CLVS1: variants seen among roughly 807,000 people sequenced by gnomAD.
CLVS1 encodes clavesin 1, also known as clavesin-1.
CLVS1 carries 10 observed loss-of-function variants against 33.1 expected under a neutral mutation model. The ratio of observed to expected loss-of-function variants is 0.30; its 90% CI spans 0.19 to 0.51. CLVS1 has a LOEUF of 0.51. CLVS1 is among the 20% of genes least tolerant of loss of function. The probability of loss-of-function intolerance (pLI) is 0.97; values close to 1 mark genes in which losing one functional copy is unlikely to be tolerated. For synonymous variants in CLVS1, 163 were observed against 166.1 expected (o/e 0.98, Z 0.14); for missense variants, 343 against 433.4 (o/e 0.79, Z 1.85).
chr8:60,969,717 C>T, the CLVS1 span, among the ~76,000 whole-genome samples: 1 of 152,058 alleles, frequency 6.6e-6, no homozygotes, highest in East Asian at 1.9e-4. Context: ...TTAAATATAA[C>T]ACACAGTCAG....
intron 2 of CLVS1, among the ~76,000 whole-genome samples, chr8:61,217,137 T>C (rs139757001): frequency 2.2e-4 from 33 of 152,320 alleles, no homozygotes; most frequent in Admixed American, 6.5e-4. Flanking sequence ...TTTCCTTCAA[T>C]TTTCCAAGTG....
At chr8:61,286,862 T>C (rs1471253681), upstream of CLVS1, among the ~76,000 whole-genome samples, 1 of 152,254 alleles carries the variant, frequency 6.6e-6, no homozygotes, top group Non-Finnish European at 1.5e-5. Context: ...ATGGGAATGC[T>C]GTATTTGATA....
chr8:60,999,638 G>A, the CLVS1 span, among the ~76,000 whole-genome samples: 2 of 152,180 alleles, frequency 1.3e-5, no homozygotes, highest in East Asian at 3.9e-4. Flanking sequence ...GTTTGAATAA[G>A]TAAGCAGTAT....
At chr8:61,189,246 A>G (rs1807409578) in intron 2 of CLVS1, among the ~76,000 whole-genome samples, 1 of 152,192 alleles carries the variant, frequency 6.6e-6, no homozygotes, top group South Asian at 2.1e-4. Context: ...AGAATTTTCA[A>G]CCCAGAATTT....
At chr8:61,032,619 T>C in the CLVS1 span, among the ~76,000 whole-genome samples, 1 of 152,134 alleles carries the variant, frequency 6.6e-6, no homozygotes, top group African/African-American at 2.4e-5. Context: ...AACAGGACCT[T>C]GAATGAAGCC....
rs532214758 is a variant in CLVS1, at chr8:61,243,734, A to G, written c.-151-55943A>G. On this transcript the variant is annotated intron_variant, in intron 2 of 2. Transcript: ENST00000522621. ...TTAAGGCTTCTCCCTGTCAAGCAGT[A>G]TCACTAAGGGGTTATCAATTATTTT... Among the ~76,000 whole-genome samples the G allele has an allele frequency of 2.0e-5, 3 of 152,268 alleles. No individual in the cohort carries two copies. In the South Asian group the frequency reaches 6.2e-4, roughly 32 times the overall value.
intron 1 of CLVS1, among the ~76,000 whole-genome samples, chr8:61,060,959 T>C (rs1804572371): frequency 6.6e-6 from 1 of 152,184 alleles, no homozygotes; most frequent in Non-Finnish European, 1.5e-5. Context: ...TTTCTTTTCA[T>C]GGGAGAAATA....
At chr8:61,150,596 A>T (rs1400961798) in intron 2 of CLVS1, among the ~76,000 whole-genome samples, 1 of 152,102 alleles carries the variant, frequency 6.6e-6, no homozygotes, top group Non-Finnish European at 1.5e-5. Flanking sequence ...CACAATGCAG[A>T]TCAGCAGTCC....
chr8:61,158,917 C>G (rs1055997143), intron 2 of CLVS1, among the ~76,000 whole-genome samples: 12 of 152,238 alleles, frequency 7.9e-5, no homozygotes, highest in African/African-American at 2.9e-4. Context: ...ACCTCAACCT[C>G]CTGGGCCCAA....
chr8:61,491,220 C>T (rs948961320), intron 5 of CLVS1, among the ~76,000 whole-genome samples: 1 of 152,064 alleles, frequency 6.6e-6, no homozygotes, highest in Admixed American at 6.5e-5. Context: ...GATTGTAGTC[C>T]AGTCTAGTAG....
chr8:61,404,821 T>C (rs1471417866), intron 3 of CLVS1, among the ~76,000 whole-genome samples: 1 of 152,190 alleles, frequency 6.6e-6, no homozygotes, highest in African/African-American at 2.4e-5. Context: ...CAGAGACCTG[T>C]CAGCAAAATG....
chr8:61,324,530 G>A (rs1399387580), intron 2 of CLVS1, among the ~76,000 whole-genome samples: 2 of 152,106 alleles, frequency 1.3e-5, no homozygotes, highest in African/African-American at 2.4e-5. Flanking sequence ...CAGGAGTGGG[G>A]TGGTTCTAAA....
At chr8:61,099,639 A>G (rs963313266) in intron 1 of CLVS1, among the ~76,000 whole-genome samples, 33 of 152,280 alleles carry the variant, frequency 2.2e-4, no homozygotes, top group African/African-American at 7.7e-4. Context: ...AAGACTACAT[A>G]GAGGGAGGGA....
chr8:61,043,264 C>T, the CLVS1 span, among the ~76,000 whole-genome samples: 1 of 152,184 alleles, frequency 6.6e-6, no homozygotes, highest in Non-Finnish European at 1.5e-5. Context: ...AAGCTATTGT[C>T]ATAGGAAAAG....
rs533250379 is a variant in CLVS1 at position 61,412,947 on chromosome 8, C to T, written c.630+36168C>T. Among the ~76,000 whole-genome samples the T allele has an allele frequency of 5.3e-5, 8 of 152,260 alleles. No homozygotes were observed. In the South Asian group the frequency reaches 1.5e-3, roughly 28 times the overall value. Reference sequence around the variant, plus strand: ...TCTCCTTTGATTATACTAGTTTTTCCCCCACGCTAATAATGGATGCTTATT... The same window carrying T: ...TCTCCTTTGATTATACTAGTTTTTCTCCCACGCTAATAATGGATGCTTATT... On this transcript the variant is annotated intron_variant, in intron 3 of 5. Coordinates refer to ENST00000325897, the MANE Select transcript of CLVS1 (RefSeq NM_173519.3).
intron 1 of CLVS1, among the ~76,000 whole-genome samples, chr8:61,130,312 A>ACAT (rs1442644576): frequency 2.0e-5 from 3 of 151,972 alleles, no homozygotes; most frequent in South Asian, 4.1e-4. Context: ...TAAAAAGCAC[A>ACAT]CATCTACTGT....
rs142676441 is a variant in CLVS1 at position 61,202,684 on chromosome 8, A to G, written c.-152+70824A>G. On this transcript the variant is annotated intron_variant, in intron 2 of 2. Transcript: ENST00000522621. ...GTGTGGTTCAGGGCCAGTGCATATT[A>G]GTGGACAGCACTTAGTAGCTGTGGA... The G allele has an allele frequency of 1.0e-3, 1,567 of 1,542,366 alleles. 19 individuals carry two copies. In the African/African-American group the frequency reaches 0.018, roughly 18 times the overall value.
intron 2 of CLVS1, among the ~76,000 whole-genome samples, chr8:61,279,463 G>A (rs1809626872): frequency 6.6e-6 from 1 of 152,160 alleles, no homozygotes; most frequent in South Asian, 2.1e-4. Context: ...CCAAACTCTT[G>A]TAGTAGCTAA....
chr8:61,217,477 C>T (rs964924440), intron 2 of CLVS1, among the ~76,000 whole-genome samples: 1 of 152,142 alleles, frequency 6.6e-6, no homozygotes, highest in African/African-American at 2.4e-5. Flanking sequence ...CATTTAGCTC[C>T]TCCTTTAGAA....
Sources: gnomAD v4.1 joint callset for allele counts (sites outside exome capture counted in the v4.1 genomes callset) on GRCh38, gnomAD v4.1.1 for gene constraint, MANE v1.5 for transcripts, NCBI Gene and HGNC (gene_info 2026-07-23, HGNC 2026-07-21) for gene names.